The following KLHL5 variants were observed in gnomAD, a reference collection of about 807,000 sequenced individuals.
The protein encoded by KLHL5 is kelch like family member 5.
A neutral mutation model predicts 77.7 loss-of-function variants in KLHL5; 48 were observed. The observed-to-expected ratio is 0.62, with a 90% CI of 0.49 to 0.79. The LOEUF is 0.79. Ranked by LOEUF, KLHL5 falls within the 30% of genes least tolerant of loss-of-function variation. The probability of loss-of-function intolerance (pLI) is 0.00; values close to 1 mark genes in which losing one functional copy is unlikely to be tolerated. For synonymous variants in KLHL5, 260 were observed against 297.0 expected, an observed-to-expected ratio of 0.88 and a Z score of 1.28; for missense variants, 723 against 859.7, an observed-to-expected ratio of 0.84 and a Z score of 1.99.
chr4:39,128,760 C>T (rs1453312771), downstream of KLHL5, among the ~76,000 whole-genome samples: 3 of 151,894 alleles, frequency 2.0e-5, no homozygotes, highest in African/African-American at 4.8e-5. Flanking sequence ...GCCAGGAGTT[C>T]GAGACCAGCC....
intron 1 of KLHL5, among the ~76,000 whole-genome samples, chr4:39,057,015 T>TACAAGGA (rs1717052746): frequency 6.6e-6 from 1 of 152,184 alleles, no homozygotes; most frequent in African/African-American, 2.4e-5. Context: ...AAATCCATTT[T>TACAAGGA]TCACCATTGC....
chr4:39,080,362 A>T (rs1719497472), intron 2 of KLHL5, among the ~76,000 whole-genome samples: 2 of 151,926 alleles, frequency 1.3e-5, no homozygotes. Context: ...CTCCATCTCT[A>T]CTAAAAATAA....
At chr4:39,126,664 G>C (rs762269755), downstream of KLHL5, 1 of 451,454 alleles carries the variant, frequency 2.2e-6, no homozygotes, top group South Asian at 1.6e-5. Context: ...ATATTTCTTT[G>C]TGGATAATAA....
upstream of KLHL5, among the ~76,000 whole-genome samples, chr4:39,058,322 A>G (rs1185542917): frequency 6.6e-6 from 1 of 152,256 alleles, no homozygotes; most frequent in Non-Finnish European, 1.5e-5. Flanking sequence ...TTTTTCTCCT[A>G]AGTTGAAAAA....
rs769064086 is a variant in KLHL5, at chr4:39,121,377, G to T, written c.*311G>T. On this transcript the variant is annotated 3_prime_UTR_variant, in exon 11 of 11. Transcript: ENST00000504108. Reference sequence around the variant, plus strand: ...GCTAACTGGGGGTTTCATTTATTCAGTCAAGCACATCTTACTCACATCCAG... The same window carrying T: ...GCTAACTGGGGGTTTCATTTATTCATTCAAGCACATCTTACTCACATCCAG... 3.2e-5 allele frequency: 10 copies of T among 308,422 alleles called. No homozygotes were observed. The highest frequency in any genetic ancestry group is 4.3e-5 in the African/African-American group (2 of 46,916). The allele number at this position is 308,422 out of a possible 1,614,324, so 19.1% of individuals were successfully genotyped here. A position where few individuals can be genotyped will look rare whatever the true frequency, so the allele number is the denominator to read the frequency against.
chr4:39,123,749 CAACAT>C lies in KLHL5; in HGVS notation c.*2686_*2690del, dbSNP rs1438210586. On this transcript the variant is annotated 3_prime_UTR_variant, in exon 11 of 11. Coordinates refer to ENST00000504108, the MANE Select transcript of KLHL5 (RefSeq NM_015990.5). The stretch of plus-strand genomic sequence containing the variant: ...GACATCCATAAAAACCCACAGCTAA[CAACAT>C]AATAGCAAAACATTGAAAATTTTTC... Among the ~76,000 whole-genome samples the C allele has an allele frequency of 1.3e-5, 2 of 152,104 alleles. No homozygotes were observed. Among genetic ancestry groups the C allele is most frequent in the African/African-American group, 4.8e-5 (2 of 41,426 alleles).
At position 39,120,991 on chromosome 4, in the gene KLHL5, A is replaced by G. The variant is rs767937972; in HGVS notation, c.2074-19A>G. On this transcript the variant is annotated intron_variant, in intron 10 of 10. Coordinates refer to ENST00000504108, the MANE Select transcript of KLHL5 (RefSeq NM_015990.5). Reference sequence around the variant, plus strand: ...ATTTTAACCTACAGATCCAATACATATCTCTTTTTCCTTTTTAGGTTGCTC... The same window carrying G: ...ATTTTAACCTACAGATCCAATACATGTCTCTTTTTCCTTTTTAGGTTGCTC... 1.7e-5 allele frequency: 27 copies of G among 1,598,768 alleles called. No homozygotes were observed. Among genetic ancestry groups the G allele is most frequent in the Non-Finnish European group, 5.1e-6 (6 of 1,166,142 alleles).
At chr4:39,120,907 C>G (rs1189887658) in intron 10 of KLHL5, 103 bp from the exon 11 acceptor site, 6 of 899,620 alleles carry the variant, frequency 6.7e-6, no homozygotes, top group Admixed American at 4.0e-5. Context: ...GGGCAACAAC[C>G]CTTTGCCAAC....
chr4:39,058,882 C>T (rs114720212), upstream of KLHL5, among the ~76,000 whole-genome samples: 1,582 of 151,854 alleles, frequency 0.01, 28 homozygotes, highest in African/African-American at 0.036. Flanking sequence ...CTTAAGCTTA[C>T]TTTGTAGTGA....
rs527476864 is a variant in KLHL5 at position 39,112,311 on chromosome 4, T to C, written c.1689-709T>C. ...CCTTTTCTGCAGTAATTTAAATTAA[T>C]GAAGGATCATTGTTCATACATAACA... On this transcript the variant is annotated intron_variant, in intron 8 of 10. Transcript: ENST00000504108. 4.6e-5 allele frequency among the ~76,000 whole-genome samples: 7 copies of C among 152,374 alleles called. No homozygotes were observed. In the East Asian group the frequency reaches 1.3e-3, roughly 29 times the overall value.
At chr4:39,119,352 C>G (rs1463386210) in intron 10 of KLHL5, among the ~76,000 whole-genome samples, 1 of 152,076 alleles carries the variant, frequency 6.6e-6, no homozygotes, top group African/African-American at 2.4e-5. Context: ...TTTGGGAGGC[C>G]GAAGCAGGTG....
At chr4:39,047,316 GCTGA>G (rs1346954156) in intron 1 of KLHL5, among the ~76,000 whole-genome samples, 1 of 152,188 alleles carries the variant, frequency 6.6e-6, no homozygotes, top group Non-Finnish European at 1.5e-5. Context: ...TACTAAGGAG[GCTGA>G]AGGAGGAGAA....
At chr4:39,046,729 A>G (rs1253661450) in intron 1 of KLHL5, among the ~76,000 whole-genome samples, 1 of 152,208 alleles carries the variant, frequency 6.6e-6, no homozygotes, top group Non-Finnish European at 1.5e-5. Flanking sequence ...AAAAGGAGAT[A>G]TGGGATGCAG....
At position 39,081,249 on chromosome 4, in the gene KLHL5, C is replaced by G; in HGVS notation, c.703+10C>G. The G allele has an allele frequency of 6.3e-7, 1 of 1,577,438 alleles. No homozygotes were observed. The highest frequency in any genetic ancestry group is 2.3e-5 in the East Asian group (1 of 43,972). Reference sequence around the variant, plus strand: ...CAGTATGCTTATACAGGTAACGAGTCTGAAAATGTAAATTAAAACCTCTTA... The same window carrying G: ...CAGTATGCTTATACAGGTAACGAGTGTGAAAATGTAAATTAAAACCTCTTA... On this transcript the variant is annotated intron_variant, in intron 3 of 10. Coordinates refer to ENST00000504108, the MANE Select transcript of KLHL5 (RefSeq NM_015990.5). The surrounding 1 kb of genome is among the most constrained non-coding windows in gnomAD (Gnocchi z 4.3).
At chr4:39,109,488 G>A (rs536263766) in intron 8 of KLHL5, among the ~76,000 whole-genome samples, 54 of 151,972 alleles carry the variant, frequency 3.6e-4, no homozygotes, top group African/African-American at 1.2e-3. Flanking sequence ...TTGTAGAGAC[G>A]GGGTTTCACC....
chr4:39,066,304 C>G (rs1577651441), intron 1 of KLHL5, among the ~76,000 whole-genome samples: 1 of 152,068 alleles, frequency 6.6e-6, no homozygotes, highest in East Asian at 1.9e-4. Flanking sequence ...TATATGGCGG[C>G]CCACCATGTA....
At chr4:39,129,182 A>G (rs1416805605), downstream of KLHL5, among the ~76,000 whole-genome samples, 1 of 131,766 alleles carries the variant, frequency 7.6e-6, no homozygotes, top group African/African-American at 2.7e-5. This position sits in a 1 kb window ranked among gnomAD's most constrained non-coding sequence, Gnocchi z 4.2. Flanking sequence ...AAAAACAATT[A>G]CAACTTTTTT....
At chr4:39,117,362 G>A (rs1035479390) in intron 10 of KLHL5, among the ~76,000 whole-genome samples, 1 of 152,174 alleles carries the variant, frequency 6.6e-6, no homozygotes, top group Non-Finnish European at 1.5e-5. Context: ...CCAAGCTAAA[G>A]AGTTTGGTAA....
intron 2 of KLHL5, among the ~76,000 whole-genome samples, chr4:39,080,870 A>G (rs1165234682): frequency 6.6e-6 from 1 of 152,224 alleles, no homozygotes; most frequent in African/African-American, 2.4e-5. Context: ...TGGATGTCAT[A>G]TAGCATTATT....
Sources: gnomAD v4.1 joint callset for allele counts (sites outside exome capture counted in the v4.1 genomes callset) on GRCh38, gnomAD v4.1.1 for gene constraint, Gnocchi (gnomAD v3.1) non-coding constraint, MANE v1.5 for transcripts, NCBI Gene and HGNC (gene_info 2026-07-23, HGNC 2026-07-21) for gene names.